The following RGS6 variants were observed in gnomAD, a reference collection of about 807,000 sequenced individuals.
The protein encoded by RGS6 is regulator of G-protein signaling 6.
In RGS6, 30 loss-of-function variants were observed where a neutral mutation model predicts 78.5. That is an observed-to-expected ratio of 0.38 (90% CI 0.29 to 0.52). The LOEUF (loss-of-function observed/expected upper bound fraction) is 0.52, where lower values mean the gene tolerates loss of function less well. Among genes scored for constraint, RGS6 ranks in the 20% least tolerant of loss-of-function variants. The pLI, the probability that RGS6 is intolerant of heterozygous loss-of-function variation, is 0.85. For missense variants in RGS6, 495 were observed against 609.7 expected (o/e 0.81, Z 1.98); for synonymous variants, 206 against 206.0 (o/e 1.00, Z 0.00).
chr14:72,492,673 G>T (rs2096593714), intron 12 of RGS6, among the ~76,000 whole-genome samples: 1 of 151,868 alleles, frequency 6.6e-6, no homozygotes, highest in South Asian at 2.1e-4. Context: ...TATACTTTAG[G>T]GTATCATGTT....
At chr14:72,048,474 A>T (rs1392871722) in intron 2 of RGS6, among the ~76,000 whole-genome samples, 2 of 152,330 alleles carry the variant, frequency 1.3e-5, no homozygotes, top group East Asian at 3.9e-4. Context: ...AGAAAGAGAA[A>T]TCATGAGGCA....
At chr14:71,980,496 T>G (rs374775717) in intron 2 of RGS6, among the ~76,000 whole-genome samples, 31,442 of 91,418 alleles carry the variant, frequency 0.34, 5,281 homozygotes, top group Middle Eastern at 0.42. Context: ...GTCTGTAAAG[T>G]ATTTTATTTC....
intron 2 of RGS6, among the ~76,000 whole-genome samples, chr14:72,068,710 T>A (rs948978198): frequency 6.6e-6 from 1 of 151,832 alleles, no homozygotes; most frequent in African/African-American, 2.4e-5. Flanking sequence ...TTGGCTAGGC[T>A]GGTCTTGAAC....
intron 2 of RGS6, among the ~76,000 whole-genome samples, chr14:72,281,151 T>TC (rs1302840805): frequency 6.7e-6 from 1 of 148,766 alleles, no homozygotes; most frequent in Non-Finnish European, 1.5e-5. Flanking sequence ...ATTCTTTTTT[T>TC]TTTTTTTTTT....
At chr14:72,604,397 G>A in the RGS6 span, among the ~76,000 whole-genome samples, 31 of 152,310 alleles carry the variant, frequency 2.0e-4, no homozygotes, top group African/African-American at 6.7e-4. Flanking sequence ...ACCTCCTCAT[G>A]AAGGCCTTCT....
intron 2 of RGS6, among the ~76,000 whole-genome samples, chr14:72,021,796 G>A (rs1203562221): frequency 6.6e-6 from 1 of 151,564 alleles, no homozygotes; most frequent in African/African-American, 2.4e-5. Context: ...TTTTATTTAG[G>A]TTCAGGGGTA....
chr14:72,112,085 C>T (rs773609140), intron 2 of RGS6, among the ~76,000 whole-genome samples: 3 of 152,070 alleles, frequency 2.0e-5, no homozygotes, highest in South Asian at 2.1e-4. Flanking sequence ...CTAAAATGTA[C>T]GAGGTTTATT....
chr14:72,585,603 A>G, the RGS6 span, among the ~76,000 whole-genome samples: 2 of 152,222 alleles, frequency 1.3e-5, no homozygotes, highest in African/African-American at 4.8e-5. Flanking sequence ...TTGACCAGTC[A>G]TTGGATGTGG....
intron 2 of RGS6, among the ~76,000 whole-genome samples, chr14:72,229,444 A>G (rs549953054): frequency 2.6e-5 from 4 of 152,086 alleles, no homozygotes; most frequent in South Asian, 4.2e-4. Flanking sequence ...AGGGCTTCCC[A>G]TTGTGGGCTG....
chr14:71,977,518 G>A (rs1199152464), intron 2 of RGS6, among the ~76,000 whole-genome samples: 1 of 148,958 alleles, frequency 6.7e-6, no homozygotes, highest in Non-Finnish European at 1.5e-5. Flanking sequence ...ATTAAATAGG[G>A]AATCCTTTCT....
At chr14:72,121,537 G>A (rs1266581905) in intron 2 of RGS6, among the ~76,000 whole-genome samples, 1 of 152,140 alleles carries the variant, frequency 6.6e-6, no homozygotes. Context: ...ATCACACACT[G>A]TGCTGTGCTC....
rs1222478751 is a variant in RGS6 at position 72,415,231 on chromosome 14, G to A, written c.185-39297G>A. Reference sequence around the variant, plus strand: ...CCACTTTGTTTACCTCCTAAAGCCTGGGCAATGGCGGGTGCCCCTCCTCCA... The same window carrying A: ...CCACTTTGTTTACCTCCTAAAGCCTAGGCAATGGCGGGTGCCCCTCCTCCA... On this transcript the variant is annotated intron_variant, in intron 3 of 17. Transcript: ENST00000553525. Among the ~76,000 whole-genome samples, 4 of 152,226 alleles carry A rather than the reference G, an allele frequency of 2.6e-5. No homozygotes were observed. The East Asian group carries it at 7.7e-4, about 29-fold the overall frequency.
chr14:72,008,684 C>T (rs992570266), intron 2 of RGS6, among the ~76,000 whole-genome samples: 11 of 152,180 alleles, frequency 7.2e-5, no homozygotes, highest in Non-Finnish European at 1.2e-4. Flanking sequence ...AAGTTGAGGA[C>T]ATTCAGGCAG....
intron 2 of RGS6, among the ~76,000 whole-genome samples, chr14:72,218,482 G>C (rs544742374): frequency 5.3e-5 from 8 of 152,022 alleles, no homozygotes; most frequent in African/African-American, 1.7e-4. Context: ...TTAATATGTT[G>C]TATCAGTATA....
chr14:71,934,926 C>T (rs960064099), intron 1 of RGS6, among the ~76,000 whole-genome samples: 1 of 152,200 alleles, frequency 6.6e-6, no homozygotes, highest in Non-Finnish European at 1.5e-5. Flanking sequence ...AGCTGTGTGT[C>T]ACATAAACAT....
intron 2 of RGS6, among the ~76,000 whole-genome samples, chr14:72,085,857 A>AG (rs2095017311): frequency 6.7e-6 from 1 of 148,492 alleles, no homozygotes; most frequent in Non-Finnish European, 1.5e-5. Flanking sequence ...CCATCTCAAA[A>AG]AAAAAAAAAA....
chr14:72,055,809 A>G (rs2093591414), intron 2 of RGS6, among the ~76,000 whole-genome samples: 1 of 152,240 alleles, frequency 6.6e-6, no homozygotes, highest in Non-Finnish European at 1.5e-5. Flanking sequence ...CAAAGTTTGC[A>G]TAATTTTGGA....
At chr14:72,070,910 A>G (rs756890805) in intron 2 of RGS6, among the ~76,000 whole-genome samples, 1 of 152,074 alleles carries the variant, frequency 6.6e-6, no homozygotes, top group Admixed American at 6.5e-5. Context: ...GTGCGTGTGT[A>G]TTTCACCGTT....
chr14:72,248,970 C>A (rs569596188), intron 2 of RGS6, among the ~76,000 whole-genome samples: 25 of 152,196 alleles, frequency 1.6e-4, no homozygotes, highest in African/African-American at 6.0e-4. Context: ...GCTATAACTG[C>A]AGTTTATCCT....
Sources: gnomAD v4.1 joint callset for allele counts (sites outside exome capture counted in the v4.1 genomes callset) on GRCh38, gnomAD v4.1.1 for gene constraint, MANE v1.5 for transcripts, NCBI Gene and HGNC (gene_info 2026-07-23, HGNC 2026-07-21) for gene names.